GEMIN8: variants seen among roughly 807,000 people sequenced by gnomAD.
The protein encoded by GEMIN8 is gem-associated protein 8.
For synonymous variants in GEMIN8, 80 were observed against 78.5 expected, an observed-to-expected ratio of 1.02 and a Z score of -0.10; for missense variants, 185 against 205.9, an observed-to-expected ratio of 0.90 and a Z score of 0.62.
chrX:14,006,741 T>C lies in GEMIN8; in HGVS notation c.*2172A>G, dbSNP rs112705906. ...AGACAGGTAATAAACGTGTCAACAT[T>C]TATTGAGTATTTACCGTGTAGCCAG... is the stretch of plus-strand genomic sequence containing the variant. On this transcript the variant is annotated 3_prime_UTR_variant, in exon 5 of 5. Coordinates refer to ENST00000680255, the MANE Select transcript of GEMIN8 (RefSeq NM_001042479.2). 2.7e-5 allele frequency among the ~76,000 whole-genome samples: 3 copies of C among 111,841 alleles called. No homozygotes were observed. Among genetic ancestry groups the C allele is most frequent in the African/African-American group, 9.7e-5 (3 of 30,773 alleles).
At chrX:13,990,380 T>C in the GEMIN8 span, among the ~76,000 whole-genome samples, 2 of 113,018 alleles carry the variant, frequency 1.8e-5, no homozygotes, top group Admixed American at 9.3e-5. Context: ...ATGTACAGCA[T>C]GTACCTCAGA....
In GEMIN8 at chrX:14,020,119, C is replaced by T. The variant is rs1206528177; in HGVS notation, c.431G>A (p.Arg144His). 5.0e-6 allele frequency: 6 copies of T among 1,205,633 alleles called. No homozygotes were observed. Among genetic ancestry groups the T allele is most frequent in the South Asian group, 1.8e-5 (1 of 56,557 alleles). ...LSNMEITEEL[R>H]QYFAETERHR... ...CCTCTCGGTCTCTGCAAAGTACTGGCGGAGCTCTTCAGTGATTTCCATATT... is the reference window on the plus strand; with the variant it reads ...CCTCTCGGTCTCTGCAAAGTACTGGTGGAGCTCTTCAGTGATTTCCATATT... The change falls in exon 4 of 5, where the codon CGC becomes CAC. Residue 144 changes from arginine (R) to histidine (H), a missense_variant. Coordinates refer to ENST00000680255, the MANE Select transcript of GEMIN8 (RefSeq NM_001042479.2).
intron 2 of GEMIN8, among the ~76,000 whole-genome samples, chrX:14,021,884 G>A (rs1924375101): frequency 1.1e-5 from 1 of 93,134 alleles, no homozygotes; most frequent in African/African-American, 4.1e-5. Context: ...CTGGAGAGAT[G>A]TCTTATTCTC....
intron 4 of GEMIN8, among the ~76,000 whole-genome samples, chrX:14,015,059 A>G (rs1448293715): frequency 1.8e-5 from 2 of 111,168 alleles, no homozygotes; most frequent in African/African-American, 3.3e-5. Flanking sequence ...CCTCTTCCCA[A>G]TGGGGTTTAA....
chrX:14,008,487 TTGGC>T lies in GEMIN8; in HGVS notation c.*422_*425del, dbSNP rs753377356. 1.6e-4 allele frequency: 21 copies of T among 133,546 alleles called. No individual in the cohort carries two copies. Among genetic ancestry groups the T allele is most frequent in the Non-Finnish European group, 1.8e-4 (12 of 68,142 alleles). 11.0% of individuals were successfully genotyped at this position (133,546 alleles called of 1,213,427 possible). A position where few individuals can be genotyped will look rare whatever the true frequency, so the allele number is the denominator to read the frequency against. On this transcript the variant is annotated 3_prime_UTR_variant, in exon 5 of 5. Coordinates refer to ENST00000680255, the MANE Select transcript of GEMIN8 (RefSeq NM_001042479.2). Reference sequence around the variant, plus strand: ...TAGTGGTATTTGTCTCACTACACACTTGGCTCATTTTTAGTGGGGGCTAATGGAG... The same window carrying T: ...TAGTGGTATTTGTCTCACTACACACTTCATTTTTAGTGGGGGCTAATGGAG...
chrX:14,013,262 A>G (rs1923684602), intron 4 of GEMIN8, among the ~76,000 whole-genome samples: 1 of 112,514 alleles, frequency 8.9e-6, no homozygotes, highest in Admixed American at 9.4e-5. Flanking sequence ...CAGTACGGAC[A>G]TCACACTTCA....
rs772449473 is a variant in GEMIN8 at position 14,009,184 on chromosome X, G to A, written c.473-15C>T. 19 of 1,206,257 alleles carry A rather than the reference G, an allele frequency of 1.6e-5. No homozygotes were observed. Among genetic ancestry groups the A allele is most frequent in the Admixed American group, 1.5e-4 (7 of 45,749 alleles). On this transcript the variant is annotated splice_polypyrimidine_tract_variant and intron_variant, in intron 4 of 4. Transcript: ENST00000680255. Reference sequence around the variant, plus strand: ...CTGCTGCCGCCCTGAGAACAAACACGAACGTGAACATGAACATAAACACAC... The same window carrying A: ...CTGCTGCCGCCCTGAGAACAAACACAAACGTGAACATGAACATAAACACAC...
chrX:13,996,436 A>G, the GEMIN8 span, among the ~76,000 whole-genome samples: 1 of 111,955 alleles, frequency 8.9e-6, no homozygotes, highest in East Asian at 2.8e-4. Context: ...CAATCATGGC[A>G]GAAGGTGAAA....
chrX:13,988,216 T>C, the GEMIN8 span, among the ~76,000 whole-genome samples: 1 of 111,449 alleles, frequency 9.0e-6, no homozygotes, highest in Non-Finnish European at 1.9e-5. Flanking sequence ...GTAGCAATTC[T>C]AGGACCAAAA....
At chrX:14,020,978 C>T (rs1924269061) in intron 3 of GEMIN8, among the ~76,000 whole-genome samples, 1 of 110,919 alleles carries the variant, frequency 9.0e-6, no homozygotes, top group Non-Finnish European at 1.9e-5. Context: ...CCTTTCTGCC[C>T]CCTAAACTAA....
chrX:13,995,617 G>C, the GEMIN8 span, among the ~76,000 whole-genome samples: 1 of 111,089 alleles, frequency 9.0e-6, no homozygotes, highest in Non-Finnish European at 1.9e-5. Flanking sequence ...GAAGTTCTAG[G>C]GGAGAATCCG....
At chrX:14,006,144 T>C (rs1276788033), downstream of GEMIN8, among the ~76,000 whole-genome samples, 1 of 109,425 alleles carries the variant, frequency 9.1e-6, no homozygotes, top group Non-Finnish European at 1.9e-5. Context: ...TTCTCCTGCC[T>C]CAGCCTCCCG....
Position 14,008,804 on chromosome X carries a change from C to A in GEMIN8, c.*109G>T, listed in dbSNP as rs753384242. The stretch of plus-strand genomic sequence containing the variant: ...GCCCACTGGGACTGTGGTGAACATG[C>A]CTGTACCCCAGTACAAAGTCCCCTT... On this transcript the variant is annotated 3_prime_UTR_variant, in exon 5 of 5. Transcript: ENST00000680255. 72 of 780,670 alleles carry A rather than the reference C, an allele frequency of 9.2e-5. No homozygotes were observed. Among genetic ancestry groups the A allele is most frequent in the Non-Finnish European group, 1.3e-4 (68 of 528,375 alleles). 64.3% of individuals were successfully genotyped at this position (780,670 alleles called of 1,213,427 possible).
At chrX:13,986,392 C>A in the GEMIN8 span, among the ~76,000 whole-genome samples, 3 of 112,461 alleles carry the variant, frequency 2.7e-5, no homozygotes, top group Non-Finnish European at 5.6e-5. Context: ...ATGAAGTTTA[C>A]TTCTCTAATG....
At chrX:14,003,244 C>A (rs73438912), downstream of GEMIN8, among the ~76,000 whole-genome samples, 2 of 111,808 alleles carry the variant, frequency 1.8e-5, no homozygotes, top group Non-Finnish European at 3.8e-5. Context: ...ATGTACCTTC[C>A]ACTTCCTGTG....
chrX:14,012,764 G>A (rs183643300), intron 4 of GEMIN8, among the ~76,000 whole-genome samples: 16 of 111,203 alleles, frequency 1.4e-4, no homozygotes, highest in East Asian at 8.5e-4. Flanking sequence ...ATGACAACTC[G>A]GGGATTGAGA....
downstream of GEMIN8, among the ~76,000 whole-genome samples, chrX:14,003,914 T>C (rs1395273475): frequency 8.9e-6 from 1 of 112,305 alleles, no homozygotes; most frequent in East Asian, 2.8e-4. Flanking sequence ...AAAGATAAAC[T>C]ACTTTGTTAG....
the GEMIN8 span, among the ~76,000 whole-genome samples, chrX:13,995,158 AC>A: frequency 3.6e-5 from 4 of 111,780 alleles, no homozygotes; most frequent in Non-Finnish European, 7.5e-5. Context: ...TGGCGACATT[AC>A]CCCCAATCTC....
the GEMIN8 span, among the ~76,000 whole-genome samples, chrX:14,000,548 G>T: frequency 1.8e-5 from 2 of 109,512 alleles, no homozygotes; most frequent in Non-Finnish European, 3.8e-5. Context: ...AGTGAGCCCA[G>T]ATCGTGCCAC....
Sources: allele counts gnomAD v4.1 joint callset (sites outside exome capture counted in the v4.1 genomes callset), GRCh38; gene constraint gnomAD v4.1.1; transcripts MANE v1.5; gene names NCBI Gene and HGNC (gene_info 2026-07-23, HGNC 2026-07-21).